ZFYVE26: variants seen among roughly 807,000 people sequenced by gnomAD.
ZFYVE26 encodes zinc finger FYVE-type containing 26.
In ZFYVE26, 181 loss-of-function variants were observed where a neutral mutation model predicts 276.5. The observed-to-expected ratio is 0.65, with a 90% CI of 0.58 to 0.74. The LOEUF is 0.74. ZFYVE26 is among the 30% of genes least tolerant of loss of function. The pLI, the probability that ZFYVE26 is intolerant of heterozygous loss-of-function variation, is 0.00. For synonymous variants in ZFYVE26, 1,129 were observed against 1,203.1 expected, an observed-to-expected ratio of 0.94 and a Z score of 1.27; for missense variants, 2,821 against 3,097.9, an observed-to-expected ratio of 0.91 and a Z score of 2.12.
chr14:67,786,507 T>C (rs1273589784), intron 16 of ZFYVE26, among the ~76,000 whole-genome samples: 1 of 152,222 alleles, frequency 6.6e-6, no homozygotes, highest in Non-Finnish European at 1.5e-5. Flanking sequence ...CCAAGCCAAA[T>C]AGATTTGCCT....
At chr14:67,774,979 T>C (rs772278318) in intron 27 of ZFYVE26, 37 bp downstream of exon 27, 17 of 1,488,268 alleles carry the variant, frequency 1.1e-5, no homozygotes, top group Admixed American at 9.2e-5. Flanking sequence ...AAGACTAAAC[T>C]GAAAAATTTT....
At chr14:67,809,794 T>TTTTTGAGATAGAG in intron 3 of ZFYVE26, among the ~76,000 whole-genome samples, 1 of 148,726 alleles carries the variant, frequency 6.7e-6, no homozygotes, top group East Asian at 2.0e-4. Context: ...TTTTTTTTTT[T>TTTTTGAGATAGAG]TTTTTTTTGA....
chr14:67,780,103 C>T (rs2039456700), intron 23 of ZFYVE26, 138 bp downstream of exon 23: 2 of 839,284 alleles, frequency 2.4e-6, no homozygotes, highest in African/African-American at 3.4e-5. Context: ...TTGTGAGCCG[C>T]CCGCCTCGGC....
At chr14:67,806,512 T>C (rs775651985) in intron 6 of ZFYVE26, 33 bp downstream of exon 6, 3 of 1,613,554 alleles carry the variant, frequency 1.9e-6, no homozygotes, top group Non-Finnish European at 2.5e-6. Context: ...AATCCCTGGG[T>C]ACCTCTGTGA....
chr14:67,785,367 C>A, intron 18 of ZFYVE26, 90 bp from the exon 19 acceptor site: 1 of 1,172,104 alleles, frequency 8.5e-7, no homozygotes. Context: ...TGAACTGTGC[C>A]CCCTATACAC....
chr14:67,749,642 T>C (rs976777004), intron 41 of ZFYVE26, among the ~76,000 whole-genome samples: 3 of 152,174 alleles, frequency 2.0e-5, no homozygotes, highest in African/African-American at 7.2e-5. Flanking sequence ...TTTGTTTTGG[T>C]CACTAAAGTT....
At chr14:67,803,851 T>C (rs1308157582) in intron 9 of ZFYVE26, among the ~76,000 whole-genome samples, 1 of 152,230 alleles carries the variant, frequency 6.6e-6, no homozygotes, top group Non-Finnish European at 1.5e-5. Flanking sequence ...TAGTGGTTCC[T>C]GTGATGGTTC....
At chr14:67,761,986 T>C in intron 34 of ZFYVE26, 1 of 597,476 alleles carries the variant, frequency 1.7e-6, no homozygotes. Context: ...TTTTAAAAAT[T>C]GTCTCCTTTT....
intron 23 of ZFYVE26, 138 bp downstream of exon 23, chr14:67,780,102 GC>G (rs1437268849): frequency 2.4e-6 from 2 of 823,882 alleles, no homozygotes; most frequent in Non-Finnish European, 4.0e-6. Context: ...CTTGTGAGCC[GC>G]CCGCCTCGGC....
At chr14:67,792,982 G>T (rs2039859684) in intron 14 of ZFYVE26, among the ~76,000 whole-genome samples, 1 of 151,656 alleles carries the variant, frequency 6.6e-6, no homozygotes, top group Non-Finnish European at 1.5e-5. Flanking sequence ...AACATGGGCT[G>T]GGTGTGGTGG....
intron 35 of ZFYVE26, chr14:67,761,062 C>T: frequency 1.6e-6 from 1 of 607,202 alleles, no homozygotes; most frequent in East Asian, 2.8e-5. Context: ...AAGACTCACA[C>T]TGAGCATCTC....
At chr14:67,751,393 A>C in intron 40 of ZFYVE26, 1 of 491,710 alleles carries the variant, frequency 2.0e-6, no homozygotes, top group Non-Finnish European at 3.7e-6. Context: ...GAGGTCACCA[A>C]ATGGATCATG....
chr14:67,778,005 T>C, intron 24 of ZFYVE26, 121 bp downstream of exon 24: 1 of 1,469,502 alleles, frequency 6.8e-7, no homozygotes, highest in Non-Finnish European at 9.5e-7. Flanking sequence ...AACCAGCTCC[T>C]GAAAGATCAG....
At position 67,789,479 on chromosome 14, in the gene ZFYVE26, G is replaced by C; in HGVS notation, c.2875C>G (p.Pro959Ala). ...ISTALVEPTA[P>A]LREVLEDLSP... Reference sequence around the variant, plus strand: ...AGGTCTTCCAGAACCTCTCTCAGGGGAGCAGTGGGCTCCACTAGAGCCGTG... The same window carrying C: ...AGGTCTTCCAGAACCTCTCTCAGGGCAGCAGTGGGCTCCACTAGAGCCGTG... The change falls in exon 16 of 42, where the codon CCC becomes GCC. Residue 959 changes from proline (P) to alanine (A), a missense_variant. Transcript: ENST00000347230. The C allele has an allele frequency of 1.9e-6, 3 of 1,614,188 alleles. No homozygotes were observed. The highest frequency in any genetic ancestry group is 1.6e-4 in the Middle Eastern group (1 of 6,062).
intron 12 of ZFYVE26, chr14:67,797,421 C>G (rs777333751): frequency 3.7e-6 from 2 of 536,754 alleles, no homozygotes; most frequent in African/African-American, 1.9e-5. Flanking sequence ...ATGAAAAAAG[C>G]AAGCTGCAGT....
intron 14 of ZFYVE26, chr14:67,729,108 C>A: frequency 7.2e-7 from 1 of 1,386,888 alleles, no homozygotes. Context: ...CTCCTTCTCA[C>A]TTGTGTATTT....
intron 3 of ZFYVE26, among the ~76,000 whole-genome samples, chr14:67,812,520 C>A (rs1383817990): frequency 6.6e-6 from 1 of 152,162 alleles, no homozygotes; most frequent in Non-Finnish European, 1.5e-5. Flanking sequence ...AAAACTACCC[C>A]AAGAATTCAC....
intron 10 of ZFYVE26, chr14:67,798,860 C>T: frequency 2.3e-6 from 2 of 861,634 alleles, no homozygotes; most frequent in Non-Finnish European, 3.5e-6. Context: ...CGCCCCGAGG[C>T]CAACCGGGCC....
At chr14:67,729,415 G>T (rs2038237896) in exon 14 of ZFYVE26, 1 of 1,581,918 alleles carries the variant, frequency 6.3e-7, no homozygotes, top group South Asian at 1.1e-5. Context: ...TCCACCACCT[G>T]TGTGCATGGG....
Sources: allele counts gnomAD v4.1 joint callset (sites outside exome capture counted in the v4.1 genomes callset), GRCh38; gene constraint gnomAD v4.1.1; transcripts MANE v1.5; gene names NCBI Gene and HGNC (gene_info 2026-07-23, HGNC 2026-07-21).